Variants in DIAPH2 observed in about 807,000 individuals in gnomAD.
DIAPH2 encodes diaphanous related formin 2, also known as protein diaphanous homolog 2.
A neutral mutation model predicts 92.7 loss-of-function variants in DIAPH2; 35 were observed. The ratio of observed to expected loss-of-function variants is 0.38; its 90% CI spans 0.29 to 0.50. The LOEUF (loss-of-function observed/expected upper bound fraction) is 0.50. Ranked by LOEUF, DIAPH2 falls within the 20% of genes least tolerant of loss-of-function variation. The pLI is 0.94. For synonymous variants in DIAPH2, 301 were observed against 280.4 expected (o/e 1.07, Z -0.73); for missense variants, 701 against 819.5 (o/e 0.86, Z 1.77).
chrX:97,537,548 G>C (rs1030769003), intron 26 of DIAPH2, among the ~76,000 whole-genome samples: 13 of 111,664 alleles, frequency 1.2e-4, no homozygotes, highest in African/African-American at 3.6e-4. Flanking sequence ...TTTGAGTTTG[G>C]GGTTGGCCTA....
At chrX:96,934,677 A>G (rs1479752317) in intron 10 of DIAPH2, among the ~76,000 whole-genome samples, 2 of 74,385 alleles carry the variant, frequency 2.7e-5, no homozygotes, top group African/African-American at 8.8e-5. Context: ...TTTCATTTAT[A>G]TGGAATTTCA....
chrX:96,888,492 T>C (rs1211904666), intron 5 of DIAPH2, among the ~76,000 whole-genome samples: 1 of 104,564 alleles, frequency 9.6e-6, no homozygotes, highest in Non-Finnish European at 1.9e-5. Flanking sequence ...AACACAGATA[T>C]ATATCTCTAT....
intron 17 of DIAPH2, among the ~76,000 whole-genome samples, chrX:97,034,824 A>G (rs745412521): frequency 2.2e-4 from 24 of 111,319 alleles, no homozygotes; most frequent in African/African-American, 6.5e-4. Flanking sequence ...AACAGTGAGC[A>G]TGGTATTTTT....
intron 23 of DIAPH2, among the ~76,000 whole-genome samples, chrX:97,323,227 C>G (rs1337353007): frequency 9.5e-6 from 1 of 105,375 alleles, no homozygotes; most frequent in African/African-American, 3.4e-5. Context: ...TTTTTAAGAA[C>G]TGGCATAGGC....
chrX:96,832,688 T>G (rs946779658), intron 4 of DIAPH2, among the ~76,000 whole-genome samples: 5 of 111,550 alleles, frequency 4.5e-5, no homozygotes, highest in African/African-American at 1.6e-4. Context: ...ATATCAGTGA[T>G]AAATTTGAAG....
intron 22 of DIAPH2, among the ~76,000 whole-genome samples, chrX:97,192,995 C>G (rs866862872): frequency 2.1e-4 from 21 of 100,213 alleles, no homozygotes; most frequent in Middle Eastern, 5.1e-3. Context: ...TTATTTCTTT[C>G]TTTTTCTTTT....
chrX:97,405,144 A>G (rs1253814875), intron 25 of DIAPH2, among the ~76,000 whole-genome samples: 1 of 111,849 alleles, frequency 8.9e-6, no homozygotes, highest in Non-Finnish European at 1.9e-5. Context: ...ACATTCATTA[A>G]TGCTTGCTGA....
intron 26 of DIAPH2, among the ~76,000 whole-genome samples, chrX:97,448,412 C>T (rs994610381): frequency 8.9e-6 from 1 of 111,885 alleles, no homozygotes; most frequent in Non-Finnish European, 1.9e-5. Context: ...TTTTCCCACA[C>T]TTATGACTCT....
At chrX:97,456,207 A>G (rs933640181) in intron 26 of DIAPH2, among the ~76,000 whole-genome samples, 5 of 111,140 alleles carry the variant, frequency 4.5e-5, no homozygotes, top group Non-Finnish European at 9.4e-5. Context: ...TAACACGGTG[A>G]AACCCCGTCT....
chrX:96,751,584 T>A (rs180889984), intron 3 of DIAPH2, among the ~76,000 whole-genome samples: 6,526 of 91,401 alleles, frequency 0.071, 227 homozygotes, highest in Middle Eastern at 0.17. Flanking sequence ...TCAAAAAAAA[T>A]AATAATAATA....
At chrX:97,409,732 C>T (rs1278112459) in intron 25 of DIAPH2, among the ~76,000 whole-genome samples, 1 of 112,430 alleles carries the variant, frequency 8.9e-6, no homozygotes, top group Non-Finnish European at 1.9e-5. Context: ...CCGTGCCTGG[C>T]TCAGCGGGCC....
In DIAPH2 at chrX:97,185,470, T is replaced by C. The variant is rs6615894; in HGVS notation, c.2719+43676T>C. Among the ~76,000 whole-genome samples the C allele has an allele frequency of 3.0e-3, 75 of 24,738 alleles. 1 individual carries two copies. The highest frequency in any genetic ancestry group is 5.3e-3 in the African/African-American group (23 of 4,369). 21.5% of individuals were successfully genotyped at this position (24,738 alleles called of 115,157 possible). A position where few individuals can be genotyped will look rare whatever the true frequency, so the allele number is the denominator to read the frequency against. The stretch of plus-strand genomic sequence containing the variant: ...ATATGTGTGTGTATATATATATATA[T>C]ACACATATATATATATATATATATA... On this transcript the variant is annotated intron_variant, in intron 22 of 26. Coordinates refer to ENST00000324765, the MANE Select transcript of DIAPH2 (RefSeq NM_006729.5).
At chrX:97,141,613 A>C in intron 21 of DIAPH2, 52 bp from the exon 22 acceptor site, 2 of 1,107,171 alleles carry the variant, frequency 1.8e-6, no homozygotes. Context: ...CACTTGTTTA[A>C]AAAAGTATTT....
At chrX:97,089,315 G>A (rs759202215) in intron 19 of DIAPH2, among the ~76,000 whole-genome samples, 2 of 111,724 alleles carry the variant, frequency 1.8e-5, no homozygotes, top group South Asian at 7.6e-4. Flanking sequence ...GATCCTGAAA[G>A]CATGGGCTTA....
At chrX:96,912,684 G>A in intron 7 of DIAPH2, 132 bp downstream of exon 7, 1 of 792,206 alleles carries the variant, frequency 1.3e-6, no homozygotes, top group East Asian at 4.0e-5. Flanking sequence ...AGGCGAACAT[G>A]TGCCATGGTG....
intron 24 of DIAPH2, among the ~76,000 whole-genome samples, chrX:97,366,118 C>T (rs73552445): frequency 0.015 from 1,702 of 111,978 alleles, 27 homozygotes; most frequent in African/African-American, 0.052. Context: ...TTTTATTACA[C>T]AACAGAGTGT....
Position 96,720,127 on chromosome X carries a change from A to G in DIAPH2, c.133-15631A>G, listed in dbSNP as rs750390637. On this transcript the variant is annotated intron_variant, in intron 1 of 26. Transcript: ENST00000324765. ...TATTTTGCTTAATAGTTATTTGGCA[A>G]TTCCTTTACTGAACTTCATTAGTCC... Among the ~76,000 whole-genome samples, 4 of 111,772 alleles carry G rather than the reference A, an allele frequency of 3.6e-5. No individual in the cohort carries two copies. The East Asian group carries it at 8.4e-4, about 23-fold the overall frequency.
At chrX:96,882,967 A>AC (rs2065225585) in intron 5 of DIAPH2, among the ~76,000 whole-genome samples, 1 of 76,769 alleles carries the variant, frequency 1.3e-5, no homozygotes, top group African/African-American at 3.8e-5. Context: ...TCCAAAAAAA[A>AC]AAAAAAAAAA....
intron 23 of DIAPH2, among the ~76,000 whole-genome samples, chrX:97,336,563 T>C (rs2069064016): frequency 9.0e-6 from 1 of 111,226 alleles, no homozygotes; most frequent in African/African-American, 3.3e-5. Flanking sequence ...GTCACACTTT[T>C]CAAATTGCAA....
Sources: gnomAD v4.1 joint callset for allele counts (sites outside exome capture counted in the v4.1 genomes callset) on GRCh38, gnomAD v4.1.1 for gene constraint, MANE v1.5 for transcripts, NCBI Gene and HGNC (gene_info 2026-07-23, HGNC 2026-07-21) for gene names.